Variants in PPP2R3C observed in about 807,000 individuals in gnomAD.
The protein encoded by PPP2R3C is protein phosphatase 2 regulatory subunit B''gamma.
In PPP2R3C, 47 loss-of-function variants were observed where a neutral mutation model predicts 63.7. The ratio of observed to expected loss-of-function variants is 0.74; its 90% CI spans 0.58 to 0.94. The LOEUF (loss-of-function observed/expected upper bound fraction) is 0.94. Ranked by LOEUF, PPP2R3C falls within the 40% of genes least tolerant of loss-of-function variation. The probability of loss-of-function intolerance (pLI) is 0.00; values close to 1 mark genes in which losing one functional copy is unlikely to be tolerated. For missense variants in PPP2R3C, 421 were observed against 518.4 expected (o/e 0.81, Z 1.82); for synonymous variants, 180 against 177.4 (o/e 1.01, Z -0.12).
chr14:35,103,184 A>G (rs2046252036), intron 6 of PPP2R3C, among the ~76,000 whole-genome samples: 1 of 152,268 alleles, frequency 6.6e-6, no homozygotes. Context: ...AATAAATCCA[A>G]AGTCCTTACT....
At chr14:35,092,990 C>G (rs79641265) in intron 10 of PPP2R3C, among the ~76,000 whole-genome samples, 36 of 152,130 alleles carry the variant, frequency 2.4e-4, no homozygotes, top group African/African-American at 8.7e-4. Flanking sequence ...GCGGGCAGAT[C>G]AGAAGGTCAA....
intron 12 of PPP2R3C, chr14:35,086,086 G>A (rs190554838): frequency 4.8e-5 from 13 of 268,500 alleles, no homozygotes; most frequent in African/African-American, 2.9e-4. Flanking sequence ...GTAATTAGTG[G>A]CAGAACTATC....
chr14:35,107,487 T>C, intron 5 of PPP2R3C, 113 bp from the exon 6 acceptor site: 2 of 805,792 alleles, frequency 2.5e-6, no homozygotes, highest in Admixed American at 2.4e-5. Context: ...TAAAAACATT[T>C]CTTCTCACCA....
chr14:35,104,892 C>T, intron 6 of PPP2R3C, among the ~76,000 whole-genome samples: 1 of 151,878 alleles, frequency 6.6e-6, no homozygotes, highest in East Asian at 1.9e-4. Flanking sequence ...CTACCATGCT[C>T]AGCTAATGTT....
At chr14:35,116,205 C>T (rs2046705130) in intron 2 of PPP2R3C, among the ~76,000 whole-genome samples, 1 of 151,834 alleles carries the variant, frequency 6.6e-6, no homozygotes, top group Non-Finnish European at 1.5e-5. Flanking sequence ...AAATATAATT[C>T]TCTATTTTTA....
At chr14:35,118,142 A>G (rs1225530115) in intron 1 of PPP2R3C, among the ~76,000 whole-genome samples, 1 of 152,214 alleles carries the variant, frequency 6.6e-6, no homozygotes, top group Non-Finnish European at 1.5e-5. Context: ...GTCACTGATG[A>G]TTCTTGACAA....
chr14:35,112,079 T>C (rs1179996841), intron 2 of PPP2R3C, among the ~76,000 whole-genome samples: 2 of 152,214 alleles, frequency 1.3e-5, no homozygotes, highest in Non-Finnish European at 2.9e-5. Context: ...AACCATTTAT[T>C]CTTCTTGTCC....
intron 6 of PPP2R3C, among the ~76,000 whole-genome samples, chr14:35,106,667 T>C (rs2046371075): frequency 8.0e-6 from 1 of 124,542 alleles, no homozygotes; most frequent in Non-Finnish European, 1.9e-5. Context: ...CAATACATTT[T>C]TTTTTTTTTT....
intron 5 of PPP2R3C, chr14:35,107,783 T>C (rs1038396576): frequency 2.7e-6 from 1 of 371,872 alleles, no homozygotes; most frequent in Non-Finnish European, 4.7e-6. Flanking sequence ...TTGATGCTCC[T>C]TGAAACTGAT....
At chr14:35,107,395 G>T in intron 5 of PPP2R3C, 21 bp from the exon 6 acceptor site, 7 of 1,552,352 alleles carry the variant, frequency 4.5e-6, no homozygotes, top group Non-Finnish European at 5.3e-6. Context: ...ACAAGAAAAT[G>T]AAAGTAATTC....
At chr14:35,112,553 G>A (rs981159974) in intron 2 of PPP2R3C, among the ~76,000 whole-genome samples, 2 of 152,186 alleles carry the variant, frequency 1.3e-5, no homozygotes, top group African/African-American at 4.8e-5. Flanking sequence ...AGAAGGAACA[G>A]AGTTAAAGGA....
chr14:35,101,699 AAGTT>A (rs2046196074), intron 6 of PPP2R3C: 1 of 152,188 alleles, frequency 6.6e-6, no homozygotes, highest in African/African-American at 2.4e-5. Context: ...CTCTTATGTG[AAGTT>A]AGTTGTTTCT....
In PPP2R3C at chr14:35,098,353, T is replaced by TG. The variant is rs758691010; in HGVS notation, c.706+898_706+899insC. ...TGTCACTACGCCTGGCTAGTTTTTT[T>TG]TTTTTTTTTTTTTTTTGAGACGGAA... On this transcript the variant is annotated intron_variant, in intron 7 of 12. Transcript: ENST00000261475. 9.6e-4 allele frequency among the ~76,000 whole-genome samples: 120 copies of TG among 124,570 alleles called. 1 individual carries two copies. Among genetic ancestry groups the TG allele is most frequent in the African/African-American group, 2.4e-3 (89 of 36,566 alleles). 81.7% of individuals were successfully genotyped at this position (124,570 alleles called of 152,430 possible). A position where few individuals can be genotyped will look rare whatever the true frequency, so the allele number is the denominator to read the frequency against.
Position 35,115,778 on chromosome 14 carries a change from C to T in PPP2R3C, c.186+832G>A, listed in dbSNP as rs146482714. On this transcript the variant is annotated intron_variant, in intron 2 of 12. Transcript: ENST00000261475. ...CTAGGATTACCGGCGCGCGCCACCA[C>T]GCCTGGCTAATTTTTGTATTTTGAG... 2.6e-4 allele frequency among the ~76,000 whole-genome samples: 39 copies of T among 152,104 alleles called. No individual in the cohort carries two copies. The South Asian group carries it at 6.4e-3, about 25-fold the overall frequency.
intron 3 of PPP2R3C, 195 bp from the exon 4 acceptor site, chr14:35,110,126 A>G (rs2046502276): frequency 3.8e-6 from 2 of 521,022 alleles, no homozygotes; most frequent in African/African-American, 1.9e-5. Context: ...AGCTTTTGAT[A>G]TACACTGCCT....
At position 35,099,252 on chromosome 14, in the gene PPP2R3C, C is replaced by A. The variant is rs2046106656; in HGVS notation, c.706G>T (p.Gly236Ter). 1.3e-6 allele frequency: 2 copies of A among 1,563,672 alleles called. No individual in the cohort carries two copies. Among genetic ancestry groups the A allele is most frequent in the African/African-American group, 2.8e-5 (2 of 71,828 alleles). ...TAAGTTAGATAAGATTTTCTTTTACCTGTTCTTAAAGGATCTAAAAAGAAG... is the reference window on the plus strand; with the variant it reads ...TAAGTTAGATAAGATTTTCTTTTACATGTTCTTAAAGGATCTAAAAAGAAG... ...FFFFLDPLRT[G>*]KIKIQDILAC... Residue 236 changes from glycine (G) to a stop codon, truncating the protein, a stop_gained and splice_region_variant, in exon 7 of 13, where the codon GGA becomes TGA. Coordinates refer to ENST00000261475, the MANE Select transcript of PPP2R3C (RefSeq NM_017917.4). LOFTEE classifies it high-confidence loss of function.
In PPP2R3C at chr14:35,087,970, A is replaced by T. The variant is rs141882731; in HGVS notation, c.1154T>A (p.Val385Asp). The change falls in exon 12 of 13, where the codon GTT becomes GAT. Residue 385 changes from valine to aspartate, a missense_variant. Val to Asp is a radical substitution (Grantham distance 152). Coordinates refer to ENST00000261475, the MANE Select transcript of PPP2R3C (RefSeq NM_017917.4). ...GATAACCTTGACATCTTGAAATGAA[A>T]CAGGATCTTGTCCATGGATTTTCAT... ...ELMKIHGQDP[V>D]SFQDVKDEIF... The T allele has an allele frequency of 3.1e-6, 5 of 1,598,128 alleles. No individual in the cohort carries two copies. The African/African-American group carries it at 6.7e-5, about 21-fold the overall frequency.
At chr14:35,092,974 G>A (rs1483838112) in intron 10 of PPP2R3C, among the ~76,000 whole-genome samples, 1 of 152,078 alleles carries the variant, frequency 6.6e-6, no homozygotes. Flanking sequence ...ACTTCGGGGG[G>A]CCGAGGCGGG....
At chr14:35,121,771 C>T (rs1300134821) in intron 1 of PPP2R3C, 131 bp downstream of exon 1, 2 of 1,017,422 alleles carry the variant, frequency 2.0e-6, no homozygotes, top group African/African-American at 1.6e-5. Flanking sequence ...CATTCCACTC[C>T]GCCTCCTTTG....
Sources: gnomAD v4.1 joint callset for allele counts (sites outside exome capture counted in the v4.1 genomes callset) on GRCh38, gnomAD v4.1.1 for gene constraint, MANE v1.5 for transcripts, NCBI Gene and HGNC (gene_info 2026-07-23, HGNC 2026-07-21) for gene names.